Variants in MDGA2 observed in about 807,000 individuals in gnomAD.
The protein encoded by MDGA2 is MAM domain containing glycosylphosphatidylinositol anchor 2.
In MDGA2, 40 loss-of-function variants were observed where a neutral mutation model predicts 117.8. That is an observed-to-expected ratio of 0.34 (90% confidence interval 0.26 to 0.44). MDGA2 has a LOEUF of 0.44. MDGA2 is among the 20% of genes least tolerant of loss of function. The pLI is 1.00. For missense variants in MDGA2, 1,123 were observed against 1,250.6 expected, an observed-to-expected ratio of 0.90 and a Z score of 1.54; for synonymous variants, 452 against 439.0, an observed-to-expected ratio of 1.03 and a Z score of -0.37.
At chr14:46,946,635 A>G (rs1022811216) in intron 9 of MDGA2, among the ~76,000 whole-genome samples, 4 of 152,154 alleles carry the variant, frequency 2.6e-5, no homozygotes, top group Admixed American at 6.6e-5. Flanking sequence ...AAACAGTTAC[A>G]TAATTTCTGG....
At chr14:47,260,415 C>A (rs531446644) in intron 2 of MDGA2, among the ~76,000 whole-genome samples, 33 of 152,100 alleles carry the variant, frequency 2.2e-4, no homozygotes, top group African/African-American at 7.5e-4. Context: ...GAGGTGGAAT[C>A]TTTACTGAGC....
intron 2 of MDGA2, among the ~76,000 whole-genome samples, chr14:47,280,160 C>G (rs534367967): frequency 1.2e-3 from 175 of 151,486 alleles, no homozygotes; most frequent in Non-Finnish European, 2.1e-3. Flanking sequence ...ATTAAAAATA[C>G]AAAATTATCT....
intron 8 of MDGA2, among the ~76,000 whole-genome samples, chr14:46,973,095 A>G (rs1390751375): frequency 6.6e-6 from 1 of 152,112 alleles, no homozygotes; most frequent in Non-Finnish European, 1.5e-5. Flanking sequence ...AATGCCCAAA[A>G]TCTGGAAGAC....
intron 2 of MDGA2, among the ~76,000 whole-genome samples, chr14:47,236,091 G>A (rs1886849261): frequency 1.3e-5 from 2 of 152,050 alleles, no homozygotes; most frequent in Non-Finnish European, 2.9e-5. Flanking sequence ...AGGAGATCGA[G>A]ACCATTTTGG....
chr14:46,962,933 A>G (rs192647575), intron 8 of MDGA2, among the ~76,000 whole-genome samples: 3 of 152,330 alleles, frequency 2.0e-5, no homozygotes, highest in African/African-American at 7.2e-5. Flanking sequence ...GTTGTGTTAC[A>G]AAAATTAAAG....
intron 3 of MDGA2, among the ~76,000 whole-genome samples, chr14:47,214,135 G>A (rs547663731): frequency 5.9e-5 from 9 of 152,134 alleles, no homozygotes; most frequent in African/African-American, 1.7e-4. Flanking sequence ...CCCTTGACAC[G>A]TGGAGATTAT....
intron 1 of MDGA2, among the ~76,000 whole-genome samples, chr14:47,488,313 T>C (rs1260633742): frequency 6.6e-6 from 1 of 152,100 alleles, no homozygotes; most frequent in South Asian, 2.1e-4. Flanking sequence ...GCAAGAGACA[T>C]AAGCTGACTA....
chr14:47,063,274 T>G (rs945286048), intron 6 of MDGA2, among the ~76,000 whole-genome samples: 2 of 152,076 alleles, frequency 1.3e-5, no homozygotes, highest in African/African-American at 2.4e-5. Flanking sequence ...AATCACATTC[T>G]CATACTGTCA....
chr14:47,138,720 G>C (rs1882573915), intron 4 of MDGA2, among the ~76,000 whole-genome samples: 1 of 151,786 alleles, frequency 6.6e-6, no homozygotes, highest in Non-Finnish European at 1.5e-5. Context: ...TTGATACTTA[G>C]ATATCAGTAA....
At chr14:47,006,141 C>CA (rs1055887558) in intron 8 of MDGA2, among the ~76,000 whole-genome samples, 9 of 151,088 alleles carry the variant, frequency 6.0e-5, no homozygotes, top group African/African-American at 1.9e-4. Context: ...GAATTGTTTT[C>CA]AAAAAAATTT....
rs573735786 is a variant in MDGA2, at chr14:47,064,178, T to A, written c.1196-2600A>T. Among the ~76,000 whole-genome samples, 14 of 152,104 alleles carry A rather than the reference T, an allele frequency of 9.2e-5. No individual in the cohort carries two copies. In the South Asian group the frequency reaches 2.7e-3, roughly 29 times the overall value. On this transcript the variant is annotated intron_variant, in intron 6 of 16. Transcript: ENST00000399232. ...GACAAATTAATAAAAAGCAATATAATCAAGCATGCTTTTAAGAGTGAACTC... is the reference window on the plus strand; with the variant it reads ...GACAAATTAATAAAAAGCAATATAAACAAGCATGCTTTTAAGAGTGAACTC...
chr14:47,593,041 G>GA (rs34687703), intron 1 of MDGA2, among the ~76,000 whole-genome samples: 9 of 151,120 alleles, frequency 6.0e-5, no homozygotes, highest in South Asian at 2.1e-4. Flanking sequence ...AAATTTACAA[G>GA]AAAAAAAAAT....
Position 47,035,082 on chromosome 14 carries a change from C to G in MDGA2, c.1748G>C (p.Arg583Thr), listed in dbSNP as rs1308283441. Residue 583 changes from arginine (R) to threonine (T), a missense_variant, in exon 8 of 17, where the codon AGA becomes ACA. Coordinates refer to ENST00000399232, the MANE Select transcript of MDGA2 (RefSeq NM_001113498.3). ...TCCATTGTATTGGCTGGTCTGACAT[C>G]TGTACATTCCTGACATTTCCCTAGA... ...NVSREMSGMY[R>T]CQTSQYNGFN... The G allele has an allele frequency of 6.2e-7, 1 of 1,614,144 alleles. No homozygotes were observed. Among genetic ancestry groups the G allele is most frequent in the Non-Finnish European group, 8.5e-7 (1 of 1,179,996 alleles).
intron 7 of MDGA2, chr14:47,058,982 A>G (rs1889781699): frequency 1.0e-6 from 1 of 984,948 alleles, no homozygotes; most frequent in African/African-American, 1.8e-5. Flanking sequence ...CCACAAATTG[A>G]GGAGCTGCTC....
At chr14:46,945,096 G>A (rs1002694077) in intron 9 of MDGA2, among the ~76,000 whole-genome samples, 2 of 152,048 alleles carry the variant, frequency 1.3e-5, no homozygotes, top group South Asian at 4.1e-4. Context: ...ACCCTGTAAA[G>A]AGTGCCAAGT....
At chr14:47,325,625 T>C (rs1029517885) in intron 1 of MDGA2, among the ~76,000 whole-genome samples, 2 of 152,092 alleles carry the variant, frequency 1.3e-5, no homozygotes, top group African/African-American at 4.8e-5. Flanking sequence ...GAATCAAAAA[T>C]TGAATGTGAC....
chr14:47,355,083 G>C (rs1031611467), intron 1 of MDGA2, among the ~76,000 whole-genome samples: 4 of 152,182 alleles, frequency 2.6e-5, no homozygotes, highest in Non-Finnish European at 5.9e-5. Flanking sequence ...TGGGTAGGTA[G>C]GCAGCACAGT....
chr14:46,863,703 A>G (rs1395114621), intron 14 of MDGA2, among the ~76,000 whole-genome samples: 1 of 152,136 alleles, frequency 6.6e-6, no homozygotes, highest in Non-Finnish European at 1.5e-5. Context: ...CTCAGTTCAT[A>G]TCATTAATTT....
intron 9 of MDGA2, among the ~76,000 whole-genome samples, chr14:46,935,420 C>T (rs1057194190): frequency 7.9e-5 from 12 of 152,052 alleles, no homozygotes; most frequent in African/African-American, 2.9e-4. Context: ...AACTCAATTG[C>T]TTATTTGCAT....
Sources: gnomAD v4.1 joint callset for allele counts (sites outside exome capture counted in the v4.1 genomes callset) on GRCh38, gnomAD v4.1.1 for gene constraint, MANE v1.5 for transcripts, NCBI Gene and HGNC (gene_info 2026-07-23, HGNC 2026-07-21) for gene names.